MAP4: variants seen among roughly 807,000 people sequenced by gnomAD.
MAP4 encodes the protein microtubule-associated protein 4.
Under a neutral mutation model 170.2 loss-of-function variants are expected in MAP4, and 76 were observed. That is an observed-to-expected ratio of 0.45 (90% CI 0.37 to 0.54). The LOEUF (loss-of-function observed/expected upper bound fraction) is 0.54. Among genes scored for constraint, MAP4 ranks in the 20% least tolerant of loss-of-function variants. The pLI, the probability that MAP4 is intolerant of heterozygous loss-of-function variation, is 0.00. For missense variants in MAP4, 2,506 were observed against 2,748.0 expected, an observed-to-expected ratio of 0.91 and a Z score of 1.97; for synonymous variants, 909 against 994.5, an observed-to-expected ratio of 0.91 and a Z score of 1.62.
intron 1 of MAP4, among the ~76,000 whole-genome samples, chr3:48,074,908 A>G (rs1263804241): frequency 6.6e-6 from 1 of 152,074 alleles, no homozygotes; most frequent in Admixed American, 6.6e-5. Flanking sequence ...GGAAGATCTG[A>G]CATTGTTAAG....
At chr3:47,948,784 C>T (rs2100061774) in intron 3 of MAP4, among the ~76,000 whole-genome samples, 1 of 152,008 alleles carries the variant, frequency 6.6e-6, no homozygotes, top group African/African-American at 2.4e-5. Flanking sequence ...CCATACCCAA[C>T]TAATTTTTTT....
chr3:47,954,802 C>A (rs539520642), intron 3 of MAP4, among the ~76,000 whole-genome samples: 1 of 152,280 alleles, frequency 6.6e-6, no homozygotes, highest in South Asian at 2.1e-4. Context: ...ACAGTGGACC[C>A]CATAGTACAA....
chr3:47,903,339 C>T (rs1444130214), intron 9 of MAP4, among the ~76,000 whole-genome samples: 1 of 152,162 alleles, frequency 6.6e-6, no homozygotes, highest in Non-Finnish European at 1.5e-5. Context: ...CGAGACCATC[C>T]TGGCTAACAC....
In MAP4 at chr3:47,871,980, C is replaced by T; in HGVS notation, c.5878G>A (p.Ala1960Thr). Residue 1960 changes from alanine (A) to threonine (T), a missense_variant, in exon 13 of 21, where the codon GCT becomes ACT. Ala to Thr is a moderately conservative substitution (Grantham distance 58, BLOSUM62 0). Around this residue, in one of 3 missense-constraint regions of MAP4, gnomAD observed 487 missense variants for 511.6 expected, o/e 0.95. Coordinates refer to ENST00000683076, the MANE Select transcript of MAP4 (RefSeq NM_001385682.1). ...QTVAKTTTAA[A>T]VASTGPSSRS... ...CTGCTTGGGCCAGTTGAGGCAACAG[C>T]AGCAGCTGTTGTGGTTTTTGCAACA... The T allele has an allele frequency of 6.2e-7, 1 of 1,614,084 alleles. No homozygotes were observed. Among genetic ancestry groups the T allele is most frequent in the Non-Finnish European group, 8.5e-7 (1 of 1,179,976 alleles).
chr3:47,862,781 G>A (rs755037531), intron 17 of MAP4, among the ~76,000 whole-genome samples: 4 of 151,986 alleles, frequency 2.6e-5, no homozygotes, highest in Non-Finnish European at 5.9e-5. Flanking sequence ...CCAGCTATAT[G>A]CTGAAGTATT....
intron 10 of MAP4, among the ~76,000 whole-genome samples, chr3:47,878,395 T>C (rs1453491009): frequency 6.6e-6 from 1 of 151,960 alleles, no homozygotes; most frequent in African/African-American, 2.4e-5. Flanking sequence ...CTCCCACAAA[T>C]CAGTAACTGC....
At chr3:47,912,698 G>T (rs1409874465) in intron 8 of MAP4, among the ~76,000 whole-genome samples, 1 of 152,114 alleles carries the variant, frequency 6.6e-6, no homozygotes, top group African/African-American at 2.4e-5. Flanking sequence ...GAAGTAGCAG[G>T]ATTGAACTTT....
At chr3:47,988,500 A>G (rs114243298) in intron 2 of MAP4, among the ~76,000 whole-genome samples, 35 of 152,266 alleles carry the variant, frequency 2.3e-4, no homozygotes, top group African/African-American at 8.4e-4. Context: ...AAGCCAATTA[A>G]TTTATGAATA....
intron 5 of MAP4, 138 bp downstream of exon 5, chr3:47,921,627 T>C: frequency 1.7e-6 from 1 of 605,028 alleles, no homozygotes; most frequent in South Asian, 2.1e-5. Flanking sequence ...CATGTACATA[T>C]TAAATTCACA....
intron 1 of MAP4, among the ~76,000 whole-genome samples, chr3:48,074,723 T>TGTGTGTGTGTGTGA (rs1559906380): frequency 3.3e-4 from 50 of 149,288 alleles, no homozygotes; most frequent in African/African-American, 4.2e-4. Context: ...TGTGTGTGTG[T>TGTGTGTGTGTGTGA]GTGATATGTC....
At chr3:48,079,126 A>G (rs1559914088) in intron 1 of MAP4, among the ~76,000 whole-genome samples, 1 of 152,064 alleles carries the variant, frequency 6.6e-6, no homozygotes, top group Non-Finnish European at 1.5e-5. Flanking sequence ...AGCTGTGATT[A>G]TGCCACTAAA....
At chr3:48,028,312 C>T (rs1050506857) in intron 1 of MAP4, among the ~76,000 whole-genome samples, 1 of 152,076 alleles carries the variant, frequency 6.6e-6, no homozygotes, top group Admixed American at 6.6e-5. Flanking sequence ...GGGAAATTTG[C>T]AGGAGTTTAA....
At chr3:47,948,755 G>C (rs574424803) in intron 3 of MAP4, among the ~76,000 whole-genome samples, 13 of 151,938 alleles carry the variant, frequency 8.6e-5, no homozygotes, top group African/African-American at 3.1e-4. Flanking sequence ...CTAGTACCTG[G>C]GATTACAGGT....
chr3:48,020,248 G>C (rs1216200872), upstream of MAP4, among the ~76,000 whole-genome samples: 1 of 152,052 alleles, frequency 6.6e-6, no homozygotes, highest in African/African-American at 2.4e-5. Context: ...TGAGTTCCTC[G>C]ATGGCTAGGA....
chr3:48,065,976 C>T (rs1290899818), intron 1 of MAP4, among the ~76,000 whole-genome samples: 9 of 151,730 alleles, frequency 5.9e-5, no homozygotes, highest in Admixed American at 4.6e-4. Flanking sequence ...AAAAAAGAAA[C>T]GATAAATTCA....
intron 3 of MAP4, among the ~76,000 whole-genome samples, chr3:47,947,954 C>G (rs1419459455): frequency 6.6e-6 from 1 of 151,986 alleles, no homozygotes; most frequent in Non-Finnish European, 1.5e-5. Context: ...AATAAATACA[C>G]AAGTCTATGT....
chr3:48,063,070 C>G, intron 1 of MAP4, among the ~76,000 whole-genome samples: 1 of 150,890 alleles, frequency 6.6e-6, no homozygotes, highest in South Asian at 2.1e-4. Context: ...CAGAGAATTG[C>G]CAATTAAGAC....
chr3:47,931,368 A>G (rs949963853), intron 3 of MAP4, among the ~76,000 whole-genome samples: 1 of 152,134 alleles, frequency 6.6e-6, no homozygotes, highest in Non-Finnish European at 1.5e-5. Context: ...AAAAGGCCCT[A>G]TTTTTTAAAA....
intron 10 of MAP4, among the ~76,000 whole-genome samples, chr3:47,887,203 G>C (rs1008069710): frequency 3.9e-5 from 6 of 152,250 alleles, no homozygotes; most frequent in African/African-American, 1.4e-4. Flanking sequence ...GGGAGGTGTG[G>C]AAGGAGAGGC....
Sources: gnomAD v4.1 joint callset for allele counts (sites outside exome capture counted in the v4.1 genomes callset) on GRCh38, gnomAD v4.1.1 for gene constraint, gnomAD v4.1.1 regional missense constraint, MANE v1.5 for transcripts, NCBI Gene and HGNC (gene_info 2026-07-23, HGNC 2026-07-21) for gene names.